UPP1: variants seen among roughly 807,000 people sequenced by gnomAD.
UPP1 encodes UPase 1.
In UPP1, 25 loss-of-function variants were observed where a neutral mutation model predicts 29.6. The observed-to-expected ratio is 0.85, with a 90% confidence interval of 0.62 to 1.18. The LOEUF (loss-of-function observed/expected upper bound fraction) is 1.18. Among genes scored for constraint, UPP1 ranks in the 50% most tolerant of loss-of-function variants. The pLI, the probability that UPP1 is intolerant of heterozygous loss-of-function variation, is 0.00. For missense variants in UPP1, 368 were observed against 410.4 expected (o/e 0.90, Z 0.89); for synonymous variants, 165 against 159.8 (o/e 1.03, Z -0.25).
At chr7:48,103,770 C>A in intron 6 of UPP1, 1 of 1,293,318 alleles carries the variant, frequency 7.7e-7, no homozygotes, top group Admixed American at 2.3e-5. Flanking sequence ...TTCCTCCTCC[C>A]TAATCCTGCA....
chr7:48,107,553 TCTG>T (rs1304548230), intron 8 of UPP1, 46 bp downstream of exon 8: 2 of 1,556,942 alleles, frequency 1.3e-6, no homozygotes, highest in African/African-American at 2.7e-5. Flanking sequence ...TCCCTTCACT[TCTG>T]CTCTCCTGGA....
At chr7:48,107,138 CT>C in intron 7 of UPP1, 56 bp downstream of exon 7, 4 of 1,585,384 alleles carry the variant, frequency 2.5e-6, no homozygotes, top group Non-Finnish European at 3.4e-6. Context: ...GGTCCGTCCC[CT>C]GAGCCTGCCT....
At chr7:48,103,886 T>G (rs1792576202) in intron 6 of UPP1, 1 of 1,284,270 alleles carries the variant, frequency 7.8e-7, no homozygotes, top group African/African-American at 1.5e-5. Flanking sequence ...GCTTAAAATG[T>G]CCCTATCCTC....
In UPP1 at chr7:48,107,067, T is replaced by C. The variant is rs770314290; in HGVS notation, c.631T>C (p.Leu211=). Residue 211 remains leucine (L), a synonymous_variant, in exon 7 of 9, where the codon TTG becomes CTG. Coordinates refer to ENST00000395564, the MANE Select transcript of UPP1 (RefSeq NM_003364.4). ...TTVVGNTMCT[L]DFYEGQGRLD... ...AGTGGTGGGGAACACCATGTGCACC[T>C]TGGACTTCTATGAAGGTGAGGCAGC... is the stretch of plus-strand genomic sequence containing the variant. 1.2e-6 allele frequency: 2 copies of C among 1,612,024 alleles called. No homozygotes were observed. Among genetic ancestry groups the C allele is most frequent in the East Asian group, 2.2e-5 (1 of 44,880 alleles).
At chr7:48,101,635 C>T (rs1792427066) in intron 4 of UPP1, among the ~76,000 whole-genome samples, 189 bp from the exon 5 acceptor site, 2 of 152,146 alleles carry the variant, frequency 1.3e-5, no homozygotes. Flanking sequence ...CCCACCCTGA[C>T]CACTCACCAG....
Position 48,107,574 on chromosome 7 carries a change from G to A in UPP1, c.793+67G>A, listed in dbSNP as rs543845536. 1.5e-5 allele frequency: 22 copies of A among 1,515,028 alleles called. 1 individual carries two copies. The South Asian group carries it at 1.7e-4, about 12-fold the overall frequency. 93.8% of individuals were successfully genotyped at this position (1,515,028 alleles called of 1,614,324 possible). A position where few individuals can be genotyped will look rare whatever the true frequency, so the allele number is the denominator to read the frequency against. On this transcript the variant is annotated intron_variant, in intron 8 of 8. Coordinates refer to ENST00000395564, the MANE Select transcript of UPP1 (RefSeq NM_003364.4). ...CACTTCTGCTCTCCTGGAGCCCCTC[G>A]CTGGGGCCCCTCCTCCTGGGGCACC...
At chr7:48,101,797 A>C (rs1420114050) in intron 4 of UPP1, 27 bp from the exon 5 acceptor site, 1 of 1,609,930 alleles carries the variant, frequency 6.2e-7, no homozygotes, top group Non-Finnish European at 8.5e-7. Flanking sequence ...CAGTGCACTA[A>C]TGGGGGTCTC....
rs960845220 is a variant in UPP1 at position 48,097,159 on chromosome 7, T to A, written c.44+2332T>A. 2.0e-5 allele frequency among the ~76,000 whole-genome samples: 3 copies of A among 152,362 alleles called. No homozygotes were observed. In the East Asian group the frequency reaches 5.8e-4, roughly 29 times the overall value. ...CAGGTAGTATGTCTCTGACTTGTTA[T>A]TTTAAAATCCTTCAAAAAATAAATT... On this transcript the variant is annotated intron_variant, in intron 3 of 8. Transcript: ENST00000395564.
chr7:48,107,178 C>A, intron 7 of UPP1, 96 bp downstream of exon 7: 1 of 1,487,636 alleles, frequency 6.7e-7, no homozygotes, highest in Non-Finnish European at 9.2e-7. Context: ...TTTCCACTTG[C>A]CAGGCTGCTG....
At chr7:48,090,713 TCA>T (rs1791781211) in intron 2 of UPP1, among the ~76,000 whole-genome samples, 1 of 152,228 alleles carries the variant, frequency 6.6e-6, no homozygotes, top group Admixed American at 6.5e-5. Flanking sequence ...CTCCCGCCTT[TCA>T]GTTTGTTTGC....
intron 2 of UPP1, among the ~76,000 whole-genome samples, chr7:48,092,772 G>A (rs1027933594): frequency 1.3e-5 from 2 of 150,052 alleles, no homozygotes; most frequent in Non-Finnish European, 1.5e-5. Flanking sequence ...GCATGATCTC[G>A]ACTCACTACA....
chr7:48,088,985 T>C (rs1321525194), upstream of UPP1: 2 of 152,408 alleles, frequency 1.3e-5, no homozygotes, highest in Admixed American at 6.5e-5. Flanking sequence ...CTGCTGGTTC[T>C]TTACAATTGC....
chr7:48,107,398 G>A lies in UPP1; in HGVS notation c.684G>A (p.Thr228=), dbSNP rs371920018. ...TGGATGGGGCTCTCTGCTCCTACAC[G>A]GAGAAGGACAAGCAGGCGTATCTGG... ...GRLDGALCSY[T]EKDKQAYLEA... Residue 228 remains threonine (T), a synonymous_variant, in exon 8 of 9, where the codon ACG becomes ACA. Transcript: ENST00000395564. 20 of 1,613,488 alleles carry A rather than the reference G, an allele frequency of 1.2e-5. No individual in the cohort carries two copies. The highest frequency in any genetic ancestry group is 1.2e-4 in the Admixed American group (7 of 60,000).
intron 5 of UPP1, among the ~76,000 whole-genome samples, chr7:48,102,611 T>C (rs1792490362): frequency 6.6e-6 from 1 of 152,188 alleles, no homozygotes; most frequent in South Asian, 2.1e-4. Flanking sequence ...AGGTTACTGA[T>C]AATCTGCGCA....
intron 4 of UPP1, 63 bp downstream of exon 4, chr7:48,099,850 C>T: frequency 1.9e-6 from 2 of 1,053,142 alleles, no homozygotes; most frequent in Non-Finnish European, 2.9e-6. Context: ...CTATATTATA[C>T]AGGTAGACCA....
chr7:48,096,445 C>T (rs1043801719), intron 3 of UPP1, among the ~76,000 whole-genome samples: 1 of 152,190 alleles, frequency 6.6e-6, no homozygotes, highest in Non-Finnish European at 1.5e-5. Flanking sequence ...GGATCTTACT[C>T]ATCTTTATGT....
At chr7:48,098,192 T>A (rs536849552) in intron 3 of UPP1, among the ~76,000 whole-genome samples, 1 of 152,334 alleles carries the variant, frequency 6.6e-6, no homozygotes, top group East Asian at 1.9e-4. Context: ...GTTTTCTATA[T>A]CAGCCTTTCT....
chr7:48,100,909 A>AG (rs1344846802), intron 4 of UPP1, among the ~76,000 whole-genome samples: 2 of 149,288 alleles, frequency 1.3e-5, no homozygotes, highest in Non-Finnish European at 2.9e-5. Flanking sequence ...TTATCTTCAG[A>AG]CTTTTTTTTT....
chr7:48,102,059 C>G lies in UPP1; in HGVS notation c.321+77C>G. 3.3e-6 allele frequency: 5 copies of G among 1,498,168 alleles called. 1 individual carries two copies. The highest frequency in any genetic ancestry group is 4.5e-6 in the Non-Finnish European group (5 of 1,106,780). The allele number at this position is 1,498,168 out of a possible 1,614,324, so 92.8% of individuals were successfully genotyped here. On this transcript the variant is annotated intron_variant, in intron 5 of 8. Coordinates refer to ENST00000395564, the MANE Select transcript of UPP1 (RefSeq NM_003364.4). ...TGCCCCACCCCTCTGCACACACAGACAGCTGGTCCCCTAACACCTGCTTAC... is the reference window on the plus strand; with the variant it reads ...TGCCCCACCCCTCTGCACACACAGAGAGCTGGTCCCCTAACACCTGCTTAC...
Sources: allele counts gnomAD v4.1 joint callset (sites outside exome capture counted in the v4.1 genomes callset), GRCh38; gene constraint gnomAD v4.1.1; transcripts MANE v1.5; gene names NCBI Gene and HGNC (gene_info 2026-07-23, HGNC 2026-07-21).